Variants in GRM7 observed in about 807,000 individuals in gnomAD.
GRM7 encodes glutamate metabotropic receptor 7.
A neutral mutation model predicts 84.5 loss-of-function variants in GRM7; 35 were observed. The observed-to-expected ratio is 0.41, with a 90% confidence interval of 0.32 to 0.55. The LOEUF (loss-of-function observed/expected upper bound fraction) is 0.55, where lower values mean the gene tolerates loss of function less well. GRM7 is among the 20% of genes least tolerant of loss of function. GRM7 has a pLI of 0.19. For missense variants in GRM7, 1,003 were observed against 1,194.6 expected, an observed-to-expected ratio of 0.84 and a Z score of 2.36; for synonymous variants, 487 against 455.1, an observed-to-expected ratio of 1.07 and a Z score of -0.89.
chr3:6,995,392 C>T lies in GRM7; in HGVS notation c.519+133485C>T, dbSNP rs138235425. ...AGAATACTTTTCTTATAAAAGCAGACGGCGGTCAGATTCAGCCCATGAGCC... is the reference window on the plus strand; with the variant it reads ...AGAATACTTTTCTTATAAAAGCAGATGGCGGTCAGATTCAGCCCATGAGCC... On this transcript the variant is annotated intron_variant, in intron 1 of 9. Transcript: ENST00000357716. Among the ~76,000 whole-genome samples, 110 of 152,280 alleles carry T rather than the reference C, an allele frequency of 7.2e-4. No individual in the cohort carries two copies. In the East Asian group the frequency reaches 7.3e-3, roughly 10 times the overall value.
chr3:6,933,723 G>T (rs368849615), intron 1 of GRM7, among the ~76,000 whole-genome samples: 1,665 of 147,578 alleles, frequency 0.011, 15 homozygotes, highest in Middle Eastern at 0.031. Context: ...CAAATCTGGC[G>T]AGAAAAGAAA....
At chr3:7,472,640 G>A (rs773356334) in intron 7 of GRM7, among the ~76,000 whole-genome samples, 5 of 152,184 alleles carry the variant, frequency 3.3e-5, no homozygotes, top group Non-Finnish European at 5.9e-5. Flanking sequence ...CTGAAAGTGA[G>A]TAGAGCTCCC....
intron 3 of GRM7, 61 bp downstream of exon 3, chr3:7,298,886 T>G (rs1293067099): frequency 7.1e-6 from 10 of 1,418,290 alleles, no homozygotes; most frequent in African/African-American, 1.4e-5. Flanking sequence ...AGAGAAAGAT[T>G]AGGCTGCTGG....
chr3:7,190,238 A>G (rs918661398), intron 2 of GRM7, among the ~76,000 whole-genome samples: 1 of 152,150 alleles, frequency 6.6e-6, no homozygotes, highest in African/African-American at 2.4e-5. Context: ...CAGTTTCAGA[A>G]GCATGGTGAT....
At chr3:7,075,532 G>GTGTGTGTGTGTGTT (rs1698040430) in intron 1 of GRM7, among the ~76,000 whole-genome samples, 31 of 147,834 alleles carry the variant, frequency 2.1e-4, no homozygotes, top group African/African-American at 6.3e-4. Flanking sequence ...GTGTGTGTGT[G>GTGTGTGTGTGTGTT]TGTGTGTGTG....
At chr3:7,428,616 T>C (rs1237299965) in intron 5 of GRM7, among the ~76,000 whole-genome samples, 1 of 152,158 alleles carries the variant, frequency 6.6e-6, no homozygotes, top group African/African-American at 2.4e-5. Context: ...CTACCATTTA[T>C]AGTCCTGTGT....
chr3:7,015,967 G>A (rs920551913), intron 1 of GRM7, among the ~76,000 whole-genome samples: 3 of 152,186 alleles, frequency 2.0e-5, no homozygotes, highest in Non-Finnish European at 4.4e-5. Context: ...CCCTTTGAAA[G>A]GAGTTCTAAA....
intron 1 of GRM7, among the ~76,000 whole-genome samples, chr3:6,958,363 C>T (rs907381959): frequency 6.6e-6 from 1 of 151,856 alleles, no homozygotes; most frequent in Admixed American, 6.6e-5. Context: ...AAATTATTTA[C>T]TTTTTTGTTG....
chr3:7,679,129 A>T (rs988409768), intron 8 of GRM7, among the ~76,000 whole-genome samples: 14 of 152,180 alleles, frequency 9.2e-5, no homozygotes, highest in African/African-American at 3.4e-4. Flanking sequence ...TGAGGCTGTG[A>T]GTGCGGGCAG....
At chr3:7,519,655 C>T (rs1443034974) in intron 7 of GRM7, 2 of 152,160 alleles carry the variant, frequency 1.3e-5, no homozygotes, top group African/African-American at 2.4e-5. Context: ...TAATGTCAGG[C>T]ACCTGAGACC....
rs1696463193 is a variant in GRM7, at chr3:6,903,386, ATAG to A, written c.519+41484_519+41486del. 1.3e-5 allele frequency among the ~76,000 whole-genome samples: 2 copies of A among 152,242 alleles called. 1 individual carries two copies. The highest frequency in any genetic ancestry group is 4.1e-4 in the South Asian group (2 of 4,830). On this transcript the variant is annotated intron_variant, in intron 1 of 9. Transcript: ENST00000357716. ...TTTTGTGATTCCTAATTTGTACAAA[ATAG>A]TAGTGACTACAAATCACATCCTAGG...
intron 2 of GRM7, among the ~76,000 whole-genome samples, chr3:7,272,539 A>C (rs986635884): frequency 6.6e-6 from 1 of 152,166 alleles, no homozygotes; most frequent in East Asian, 1.9e-4. Context: ...TAATGTGTAC[A>C]TATTCAAATT....
At chr3:7,316,787 C>T (rs572481718) in intron 4 of GRM7, among the ~76,000 whole-genome samples, 23 of 152,074 alleles carry the variant, frequency 1.5e-4, no homozygotes, top group East Asian at 5.8e-4. Flanking sequence ...AGTAAGCAAC[C>T]GGATACATAA....
intron 1 of GRM7, among the ~76,000 whole-genome samples, chr3:7,094,637 A>G (rs6804300): frequency 0.098 from 14,840 of 152,196 alleles, 1,112 homozygotes; most frequent in African/African-American, 0.22. Context: ...TATAGCTTTC[A>G]TAGGCAATAG....
Position 6,861,665 on chromosome 3 carries a change from C to G in GRM7, c.277C>G (p.Pro93Ala). The G allele has an allele frequency of 6.2e-7, 1 of 1,614,004 alleles. No homozygotes were observed. ...CGCCCTGGACCAGATCAACAGTGATCCCAACCTACTGCCCAACGTGACGCT... is the reference window on the plus strand; with the variant it reads ...CGCCCTGGACCAGATCAACAGTGATGCCAACCTACTGCCCAACGTGACGCT... ...LYALDQINSD[P>A]NLLPNVTLGA... Residue 93 changes from proline (P) to alanine (A), a missense_variant, in exon 1 of 10, where the codon CCC becomes GCC. This residue lies in a region of GRM7 where 910 missense variants were observed against 1,126.0 expected (regional missense o/e 0.81). Transcript: ENST00000357716. This position sits in a 1 kb window ranked among gnomAD's most constrained non-coding sequence, Gnocchi z 6.4.
chr3:7,733,138 G>A (rs55972929), intron 9 of GRM7, among the ~76,000 whole-genome samples: 3,964 of 152,198 alleles, frequency 0.026, 192 homozygotes, highest in African/African-American at 0.09. Context: ...CCTGTATCTT[G>A]TGCCAACCTC....
intron 5 of GRM7, among the ~76,000 whole-genome samples, chr3:7,418,221 C>G (rs1696253020): frequency 6.6e-6 from 1 of 152,154 alleles, no homozygotes; most frequent in Non-Finnish European, 1.5e-5. Flanking sequence ...CAAGATGTGA[C>G]AATCTGAGAG....
intron 5 of GRM7, among the ~76,000 whole-genome samples, chr3:7,416,844 G>C (rs1221890564): frequency 6.6e-6 from 1 of 152,096 alleles, no homozygotes; most frequent in African/African-American, 2.4e-5. Flanking sequence ...AAATTAGCTT[G>C]ACATCTGGAT....
intron 1 of GRM7, among the ~76,000 whole-genome samples, chr3:7,014,837 G>T (rs569379461): frequency 3.3e-5 from 5 of 152,224 alleles, no homozygotes; most frequent in African/African-American, 9.6e-5. Flanking sequence ...TTCTGGGTCG[G>T]GTGGGGACTT....
Sources: allele counts gnomAD v4.1 joint callset (sites outside exome capture counted in the v4.1 genomes callset), GRCh38; gene constraint gnomAD v4.1.1; regional missense constraint gnomAD v4.1.1; non-coding constraint Gnocchi (gnomAD v3.1); transcripts MANE v1.5; gene names NCBI Gene and HGNC (gene_info 2026-07-23, HGNC 2026-07-21).